Variants in SLC44A5 observed in about 807,000 individuals in gnomAD.
SLC44A5 encodes the protein solute carrier family 44 member 5, also known as choline transporter-like protein 5.
A neutral mutation model predicts 101.8 loss-of-function variants in SLC44A5; 57 were observed. The ratio of observed to expected loss-of-function variants is 0.56; its 90% CI spans 0.45 to 0.70. The LOEUF (loss-of-function observed/expected upper bound fraction) is 0.70. SLC44A5 is among the 30% of genes least tolerant of loss of function. SLC44A5 has a pLI of 0.00. For missense variants in SLC44A5, 737 were observed against 853.1 expected (o/e 0.86, Z 1.70); for synonymous variants, 281 against 290.9 (o/e 0.97, Z 0.35).
At chr1:75,339,754 T>C (rs1657728569) in intron 3 of SLC44A5, 124 bp from the exon 4 acceptor site, 3 of 730,664 alleles carry the variant, frequency 4.1e-6, no homozygotes, top group African/African-American at 1.9e-5. Flanking sequence ...ATTCATACTT[T>C]GGTTTGATGA....
At chr1:75,663,797 A>T in the SLC44A5 span, among the ~76,000 whole-genome samples, 1 of 152,200 alleles carries the variant, frequency 6.6e-6, no homozygotes, top group Non-Finnish European at 1.5e-5. Context: ...ACTCTTCCCT[A>T]ACATATCCTA....
At chr1:75,592,350 T>G (rs761236226) in intron 1 of SLC44A5, among the ~76,000 whole-genome samples, 2 of 151,968 alleles carry the variant, frequency 1.3e-5, no homozygotes, top group Non-Finnish European at 1.5e-5. Context: ...TATAAAATAC[T>G]GATGAAGGAA....
chr1:75,362,053 T>C (rs80279757), intron 3 of SLC44A5, among the ~76,000 whole-genome samples: 1 of 152,062 alleles, frequency 6.6e-6, no homozygotes, highest in Non-Finnish European at 1.5e-5. Context: ...TGTATGTGTC[T>C]AGGAATTTAT....
chr1:75,636,253 A>G, the SLC44A5 span, among the ~76,000 whole-genome samples: 1 of 152,086 alleles, frequency 6.6e-6, no homozygotes, highest in Non-Finnish European at 1.5e-5. Context: ...TACAGCTCAC[A>G]CTTCCTAAGA....
At chr1:75,360,646 T>G (rs1413417702) in intron 3 of SLC44A5, among the ~76,000 whole-genome samples, 1 of 152,238 alleles carries the variant, frequency 6.6e-6, no homozygotes, top group African/African-American at 2.4e-5. Context: ...TTGTAGGTTC[T>G]CTGTCCCGTG....
chr1:75,512,468 A>G (rs1220542467), intron 2 of SLC44A5, among the ~76,000 whole-genome samples: 1 of 152,182 alleles, frequency 6.6e-6, no homozygotes, highest in Non-Finnish European at 1.5e-5. Flanking sequence ...ATTTTTAGTT[A>G]GTGTCTGAAG....
intron 2 of SLC44A5, among the ~76,000 whole-genome samples, chr1:75,420,601 C>T (rs1205368285): frequency 6.6e-6 from 1 of 152,056 alleles, no homozygotes; most frequent in Non-Finnish European, 1.5e-5. Context: ...ACTGACTATT[C>T]AATATAAATT....
intron 4 of SLC44A5, among the ~76,000 whole-genome samples, chr1:75,315,520 T>C (rs1655624710): frequency 1.3e-5 from 2 of 152,220 alleles, no homozygotes; most frequent in South Asian, 4.1e-4. Flanking sequence ...AAAAACCCTC[T>C]CACATGCACT....
At chr1:75,642,988 A>T in the SLC44A5 span, among the ~76,000 whole-genome samples, 1 of 152,158 alleles carries the variant, frequency 6.6e-6, no homozygotes, top group African/African-American at 2.4e-5. Flanking sequence ...TCTTCCCCTG[A>T]TTTCATCACA....
chr1:75,317,555 A>G (rs1655790347), intron 4 of SLC44A5, among the ~76,000 whole-genome samples: 1 of 152,178 alleles, frequency 6.6e-6, no homozygotes, highest in Non-Finnish European at 1.5e-5. Context: ...ATTTAAAAGC[A>G]CTATTCTGGT....
chr1:75,495,867 A>T (rs1424577592), intron 2 of SLC44A5, among the ~76,000 whole-genome samples: 1 of 152,164 alleles, frequency 6.6e-6, no homozygotes, highest in African/African-American at 2.4e-5. Flanking sequence ...AGATGTTTTG[A>T]TACAGGTATG....
At chr1:75,472,259 G>A (rs765760767) in intron 2 of SLC44A5, among the ~76,000 whole-genome samples, 22 of 152,084 alleles carry the variant, frequency 1.4e-4, no homozygotes, top group Non-Finnish European at 2.6e-4. Context: ...GCACCTGTCA[G>A]TAGTACCTTT....
intron 1 of SLC44A5, among the ~76,000 whole-genome samples, 155 bp from the exon 2 acceptor site, chr1:75,541,671 C>T (rs996728617): frequency 2.0e-5 from 3 of 152,062 alleles, no homozygotes; most frequent in South Asian, 2.1e-4. Flanking sequence ...CATAAAATAC[C>T]GCAGATATTT....
At chr1:75,689,009 C>A in the SLC44A5 span, among the ~76,000 whole-genome samples, 1 of 152,180 alleles carries the variant, frequency 6.6e-6, no homozygotes, top group African/African-American at 2.4e-5. Flanking sequence ...TCTATTAGAT[C>A]TTAAGAATGC....
chr1:75,481,579 C>G (rs1667858455), intron 2 of SLC44A5, among the ~76,000 whole-genome samples: 2 of 151,910 alleles, frequency 1.3e-5, no homozygotes, highest in Non-Finnish European at 1.5e-5. Context: ...ACGACCCCAT[C>G]AAAAGGTGGG....
At chr1:75,302,103 AG>A (rs1654496421) in intron 4 of SLC44A5, among the ~76,000 whole-genome samples, 2 of 73,410 alleles carry the variant, frequency 2.7e-5, no homozygotes, top group African/African-American at 1.3e-4. Flanking sequence ...CAGGTGCTCT[AG>A]TTTTTTTGTT....
At chr1:75,352,459 C>T (rs1658757751) in intron 3 of SLC44A5, among the ~76,000 whole-genome samples, 1 of 151,290 alleles carries the variant, frequency 6.6e-6, no homozygotes, top group Non-Finnish European at 1.5e-5. Flanking sequence ...AAAGACAAAA[C>T]TTTATAAAAA....
intron 3 of SLC44A5, among the ~76,000 whole-genome samples, chr1:75,394,068 T>C (rs996051964): frequency 1.3e-5 from 2 of 151,924 alleles, no homozygotes; most frequent in Non-Finnish European, 2.9e-5. Flanking sequence ...TCAGAGAAAA[T>C]GCATCCTGGG....
intron 23 of SLC44A5, chr1:75,206,468 C>T: frequency 1.6e-6 from 1 of 611,680 alleles, no homozygotes; most frequent in Non-Finnish European, 2.9e-6. Flanking sequence ...ATACCTGACA[C>T]CTCAGGTAGT....
Sources: allele counts gnomAD v4.1 joint callset (sites outside exome capture counted in the v4.1 genomes callset), GRCh38; gene constraint gnomAD v4.1.1; transcripts MANE v1.5; gene names NCBI Gene and HGNC (gene_info 2026-07-23, HGNC 2026-07-21).